The following LIMCH1 variants were observed in gnomAD, a reference collection of about 807,000 sequenced individuals.
LIMCH1 encodes the protein LIM and calponin homology domains-containing protein 1.
LIMCH1 carries 113 observed loss-of-function variants against 176.5 expected under a neutral mutation model. That is an observed-to-expected ratio of 0.64 (90% CI 0.55 to 0.75). The LOEUF is 0.75. Among genes scored for constraint, LIMCH1 ranks in the 30% least tolerant of loss-of-function variants. The pLI, the probability that LIMCH1 is intolerant of heterozygous loss-of-function variation, is 0.00. For synonymous variants in LIMCH1, 619 were observed against 645.9 expected (o/e 0.96, Z 0.63); for missense variants, 1,674 against 1,814.9 (o/e 0.92, Z 1.41).
chr4:41,442,291 C>A lies in LIMCH1; in HGVS notation c.97-52245C>A, dbSNP rs543244107. Among the ~76,000 whole-genome samples, 16 of 151,772 alleles carry A rather than the reference C, an allele frequency of 1.1e-4. No individual in the cohort carries two copies. The East Asian group carries it at 3.1e-3, about 29-fold the overall frequency. On this transcript the variant is annotated intron_variant, in intron 1 of 26. Coordinates refer to the LIMCH1 transcript ENST00000313860. ...TTCCAGCCTGGGCAACAGAGCCAGA[C>A]CCTGTCTCAAAAATACATAAATAAA...
intron 7 of LIMCH1, among the ~76,000 whole-genome samples, chr4:41,625,620 G>C (rs28566045): frequency 0.087 from 13,257 of 151,934 alleles, 1,508 homozygotes; most frequent in African/African-American, 0.26. Context: ...CTTTCTTCAC[G>C]CTCTTTTTTA....
In LIMCH1 at chr4:41,620,339, A is replaced by G. The variant is rs1403437248; in HGVS notation, c.459-85A>G. On this transcript the variant is annotated intron_variant, in intron 6 of 31. Transcript: ENST00000503057. ...ACTTTCTTTTCTAAAGTGAAAAGTA[A>G]TATCAGAATAGCGGGGAGATGACAT... The G allele has an allele frequency of 3.9e-6, 5 of 1,276,568 alleles. No individual in the cohort carries two copies. In the East Asian group the frequency reaches 7.6e-5, roughly 19 times the overall value. 79.1% of individuals were successfully genotyped at this position (1,276,568 alleles called of 1,614,324 possible).
At chr4:41,524,067 C>T (rs756165013) in intron 2 of LIMCH1, among the ~76,000 whole-genome samples, 54 of 152,198 alleles carry the variant, frequency 3.5e-4, no homozygotes, top group Non-Finnish European at 2.9e-5. Context: ...GGCAACAAGC[C>T]TTACCTGAGT....
intron 3 of LIMCH1, among the ~76,000 whole-genome samples, chr4:41,531,394 G>T (rs1378645791): frequency 6.6e-6 from 1 of 150,948 alleles, no homozygotes; most frequent in East Asian, 1.9e-4. Context: ...TAAAAAAAAA[G>T]TCAGAGTGAT....
intron 1 of LIMCH1, among the ~76,000 whole-genome samples, chr4:41,481,337 G>T (rs1231370501): frequency 6.6e-6 from 1 of 152,198 alleles, no homozygotes; most frequent in Admixed American, 6.5e-5. Flanking sequence ...TGGTGGGGCG[G>T]TGAAGCCCTG....
At chr4:41,591,829 C>T (rs2087635892) in intron 1 of LIMCH1, among the ~76,000 whole-genome samples, 1 of 152,080 alleles carries the variant, frequency 6.6e-6, no homozygotes, top group African/African-American at 2.4e-5. Flanking sequence ...GAAATAACGC[C>T]AAGAAGGTTG....
chr4:41,452,977 G>GA (rs373233486), intron 1 of LIMCH1, among the ~76,000 whole-genome samples: 6 of 152,276 alleles, frequency 3.9e-5, no homozygotes, highest in Non-Finnish European at 8.8e-5. Context: ...ATATTTGAGT[G>GA]AATACTTCAG....
chr4:41,579,192 A>G (rs1235231237), intron 1 of LIMCH1, among the ~76,000 whole-genome samples: 2 of 152,096 alleles, frequency 1.3e-5, no homozygotes, highest in Admixed American at 1.3e-4. Flanking sequence ...TAAAATGATT[A>G]TGTAAGTCTA....
chr4:41,627,517 A>C (rs2152851205), intron 8 of LIMCH1, among the ~76,000 whole-genome samples: 1 of 152,374 alleles, frequency 6.6e-6, no homozygotes, highest in Non-Finnish European at 1.5e-5. Context: ...CACACCAGCA[A>C]CATCACCTAG....
intron 1 of LIMCH1, among the ~76,000 whole-genome samples, chr4:41,421,024 C>T (rs1047568037): frequency 3.9e-5 from 6 of 152,230 alleles, no homozygotes; most frequent in Non-Finnish European, 7.4e-5. Context: ...GATCTTTGGG[C>T]CTTACTGCAA....
At chr4:41,582,474 A>C (rs2085664600) in intron 1 of LIMCH1, among the ~76,000 whole-genome samples, 1 of 152,166 alleles carries the variant, frequency 6.6e-6, no homozygotes, top group Non-Finnish European at 1.5e-5. Context: ...TTATGTCTTT[A>C]TATGCTATGT....
chr4:41,492,292 T>C (rs1456981621), intron 1 of LIMCH1, among the ~76,000 whole-genome samples: 3 of 151,858 alleles, frequency 2.0e-5, no homozygotes, highest in Admixed American at 1.3e-4. Flanking sequence ...TCCCAGGCAC[T>C]GGGCAGGCCG....
At position 41,620,532 on chromosome 4, in the gene LIMCH1, A is replaced by G; in HGVS notation, c.567A>G (p.Glu189=). The G allele has an allele frequency of 6.5e-7, 1 of 1,536,428 alleles. No individual in the cohort carries two copies. The highest frequency in any genetic ancestry group is 8.7e-7 in the Non-Finnish European group (1 of 1,146,994). Residue 189 remains glutamate, a synonymous_variant, in exon 7 of 32, where the codon GAA becomes GAG. Transcript: ENST00000503057. The part of the protein sequence containing the change: ...PGWKPSDGGC[E]LPDGSGKEHP... ...GGAAGCCTTCCGATGGTGGGTGTGA[A>G]TTACCTGACGGCAGTGGTAAGGAGC...
At chr4:41,671,720 T>C in intron 22 of LIMCH1, 126 bp downstream of exon 22, 1 of 694,148 alleles carries the variant, frequency 1.4e-6, no homozygotes. Context: ...CCCAACACTT[T>C]GGGAGGGTGA....
chr4:41,566,060 A>C (rs2082724174), intron 1 of LIMCH1, among the ~76,000 whole-genome samples: 1 of 152,186 alleles, frequency 6.6e-6, no homozygotes, highest in South Asian at 2.1e-4. Context: ...GTTCAAACCA[A>C]AGTCTGTCTC....
At chr4:41,587,789 C>T (rs2086736434) in intron 1 of LIMCH1, among the ~76,000 whole-genome samples, 1 of 152,164 alleles carries the variant, frequency 6.6e-6, no homozygotes, top group Non-Finnish European at 1.5e-5. Flanking sequence ...TTTGAATAAG[C>T]TTTAAAAGTT....
intron 1 of LIMCH1, among the ~76,000 whole-genome samples, chr4:41,592,657 GTTCTTAATGTATATT>G (rs2087853516): frequency 6.6e-6 from 1 of 152,230 alleles, no homozygotes; most frequent in South Asian, 2.1e-4. Context: ...GCTGAGCTGT[GTTCTTAATGTATATT>G]TTCTGTAATT....
chr4:41,413,254 G>A (rs1395701266), intron 1 of LIMCH1, among the ~76,000 whole-genome samples: 1 of 145,030 alleles, frequency 6.9e-6, no homozygotes, highest in Admixed American at 6.9e-5. Flanking sequence ...AGTTTTGTGT[G>A]TTGTAAGGTA....
chr4:41,653,323 G>A (rs568472556), intron 18 of LIMCH1, among the ~76,000 whole-genome samples: 2 of 145,102 alleles, frequency 1.4e-5, no homozygotes, highest in South Asian at 2.3e-4. Flanking sequence ...TGTTACAGCC[G>A]GTATACTCCT....
Sources: allele counts gnomAD v4.1 joint callset (sites outside exome capture counted in the v4.1 genomes callset), GRCh38; gene constraint gnomAD v4.1.1; transcripts MANE v1.5; gene names NCBI Gene and HGNC (gene_info 2026-07-23, HGNC 2026-07-21).